Variants in CFAP54 observed in about 807,000 individuals in gnomAD.
CFAP54 encodes the protein cilia and flagella associated protein 54.
In CFAP54, 290 loss-of-function variants were observed where a neutral mutation model predicts 370.4. The observed-to-expected ratio is 0.78, with a 90% CI of 0.71 to 0.86. CFAP54 has a LOEUF of 0.86. Among genes scored for constraint, CFAP54 ranks in the 40% least tolerant of loss-of-function variants. The pLI is 0.00. For synonymous variants in CFAP54, 1,206 were observed against 1,236.5 expected (o/e 0.98, Z 0.52); for missense variants, 3,399 against 3,528.7 (o/e 0.96, Z 0.93).
At position 96,489,582 on chromosome 12, in the gene CFAP54, T is replaced by G; in HGVS notation, c.-28T>G. ...GTCGCCAGGCAACCGCGTGTACACA[T>G]ACTCCAGGCGGGCCGGGGCGCGTCA... On this transcript the variant is annotated 5_prime_UTR_variant, in exon 1 of 68. Coordinates refer to ENST00000524981, the MANE Select transcript of CFAP54 (RefSeq NM_001306084.2). The G allele has an allele frequency of 1.3e-6, 2 of 1,489,608 alleles. No homozygotes were observed. Among genetic ancestry groups the G allele is most frequent in the Non-Finnish European group, 1.8e-6 (2 of 1,120,104 alleles). 92.3% of individuals were successfully genotyped at this position (1,489,608 alleles called of 1,614,324 possible).
At chr12:96,752,894 C>T (rs1000660837) in intron 55 of CFAP54, among the ~76,000 whole-genome samples, 1 of 152,166 alleles carries the variant, frequency 6.6e-6, no homozygotes, top group East Asian at 1.9e-4. Flanking sequence ...GTTTACCAGC[C>T]ATCTAACCTT....
chr12:96,598,436 G>C (rs1956202444), intron 25 of CFAP54, among the ~76,000 whole-genome samples: 1 of 151,856 alleles, frequency 6.6e-6, no homozygotes. Context: ...TGATTTTCAA[G>C]TTGCTGTAGG....
At chr12:96,837,241 G>GTCTCATATAATAATTAATAT (rs1435355822) in intron 66 of CFAP54, among the ~76,000 whole-genome samples, 2 of 152,066 alleles carry the variant, frequency 1.3e-5, no homozygotes, top group East Asian at 3.9e-4. Flanking sequence ...CTTTAATTTT[G>GTCTCATATAATAATTAATAT]TGTCTCATAT....
At chr12:96,640,056 A>G (rs1439266885) in intron 32 of CFAP54, among the ~76,000 whole-genome samples, 2 of 152,146 alleles carry the variant, frequency 1.3e-5, no homozygotes, top group African/African-American at 2.4e-5. Context: ...CCTATTCAAC[A>G]TAGTGTTGGA....
rs1319072073 is a variant in CFAP54 at position 96,500,851 on chromosome 12, A to T, written c.335A>T (p.Asn112Ile). 7 of 1,533,030 alleles carry T rather than the reference A, an allele frequency of 4.6e-6. No homozygotes were observed. In the Admixed American group the frequency reaches 9.9e-5, roughly 22 times the overall value. The allele number at this position is 1,533,030 out of a possible 1,614,324, so 95.0% of individuals were successfully genotyped here. The change falls in exon 2 of 68, where the codon AAT (asparagine) becomes ATT (isoleucine). Residue 112 changes from asparagine (N) to isoleucine (I), a missense_variant. By Grantham distance (149) the Asn-to-Ile change is moderately radical (BLOSUM62 -3). Coordinates refer to ENST00000524981, the MANE Select transcript of CFAP54 (RefSeq NM_001306084.2). ...FRRRCATSLF[N>I]IWTKYAPRLP... is the part of the protein sequence containing the mutation. ...TTTTACAGTGCCACTTCTTTGTTTA[A>T]TATCTGGACTAAATACGCCCCCAGG...
rs529703076 is a variant in CFAP54 at position 96,673,835 on chromosome 12, G to T, written c.5564-5765G>T. ...TCAGAATAGATATTGCAATGCTCCAGTGCCTAGGAACATTTGGTGTACTCA... is the reference window on the plus strand; with the variant it reads ...TCAGAATAGATATTGCAATGCTCCATTGCCTAGGAACATTTGGTGTACTCA... On this transcript the variant is annotated intron_variant, in intron 39 of 67. Coordinates refer to ENST00000524981, the MANE Select transcript of CFAP54 (RefSeq NM_001306084.2). Among the ~76,000 whole-genome samples, 31 of 152,302 alleles carry T rather than the reference G, an allele frequency of 2.0e-4. No homozygotes were observed. In the South Asian group the frequency reaches 6.2e-3, roughly 31 times the overall value.
At chr12:96,826,616 A>G (rs1286898220) in intron 65 of CFAP54, among the ~76,000 whole-genome samples, 3 of 108,884 alleles carry the variant, frequency 2.8e-5, no homozygotes, top group African/African-American at 3.8e-5. Context: ...ATAATATATC[A>G]TGATATATGT....
chr12:96,586,540 T>G (rs1956077558), intron 22 of CFAP54, among the ~76,000 whole-genome samples: 2 of 152,214 alleles, frequency 1.3e-5, no homozygotes, highest in South Asian at 4.1e-4. Context: ...AATGGCTCTC[T>G]GGGGGAAGAG....
chr12:96,739,151 A>G (rs1009267849), intron 50 of CFAP54, among the ~76,000 whole-genome samples: 2 of 152,142 alleles, frequency 1.3e-5, no homozygotes, highest in Non-Finnish European at 2.9e-5. Context: ...TTGGATGGAT[A>G]TATTTCGGCC....
intron 45 of CFAP54, among the ~76,000 whole-genome samples, chr12:96,699,318 C>T (rs997450056): frequency 1.3e-5 from 2 of 152,076 alleles, no homozygotes; most frequent in East Asian, 3.9e-4. Context: ...GTTTTCCTTT[C>T]GATTTAGTTC....
chr12:96,812,489 C>T (rs779077773), intron 64 of CFAP54, among the ~76,000 whole-genome samples: 5 of 152,132 alleles, frequency 3.3e-5, no homozygotes, highest in African/African-American at 1.2e-4. Context: ...TTATTTTTGA[C>T]TCCATTGTTC....
intron 20 of CFAP54, 23 bp from the exon 21 acceptor site, chr12:96,580,574 A>G: frequency 1.4e-6 from 2 of 1,411,812 alleles, no homozygotes; most frequent in Admixed American, 2.6e-5. Flanking sequence ...CCTTTTAAAC[A>G]GGCTCATTTT....
chr12:96,611,105 A>G (rs1956353280), intron 26 of CFAP54, among the ~76,000 whole-genome samples: 1 of 152,160 alleles, frequency 6.6e-6, no homozygotes, highest in East Asian at 1.9e-4. Context: ...TGGGTCCGTG[A>G]CCCCTGAGTA....
At position 96,630,143 on chromosome 12, in the gene CFAP54, C is replaced by A; in HGVS notation, c.4154C>A (p.Ala1385Asp). Residue 1385 changes from alanine to aspartate, a missense_variant, in exon 31 of 68, where the codon GCT becomes GAT. Ala to Asp is a moderately radical substitution (Grantham distance 126). Coordinates refer to ENST00000524981, the MANE Select transcript of CFAP54 (RefSeq NM_001306084.2). Reference protein sequence around the residue: ...GLIKVKYKDSALNKKANKSLK... With the variant: ...GLIKVKYKDSDLNKKANKSLK... ...ATAAAAGTGAAATATAAGGATAGTG[C>A]TTTGAATAAAAAAGCAAACAAATCT... The A allele has an allele frequency of 2.7e-6, 4 of 1,500,612 alleles. No homozygotes were observed. Among genetic ancestry groups the A allele is most frequent in the Non-Finnish European group, 3.6e-6 (4 of 1,118,722 alleles). The allele number at this position is 1,500,612 out of a possible 1,614,324, so 93.0% of individuals were successfully genotyped here. A position where few individuals can be genotyped will look rare whatever the true frequency, so the allele number is the denominator to read the frequency against.
At chr12:96,569,833 T>TA (rs1955896972) in intron 19 of CFAP54, among the ~76,000 whole-genome samples, 1 of 152,232 alleles carries the variant, frequency 6.6e-6, no homozygotes, top group South Asian at 2.1e-4. Context: ...TATTTCTTGA[T>TA]ATCCCCTAAA....
intron 11 of CFAP54, 59 bp downstream of exon 11, chr12:96,534,286 A>T: frequency 1.0e-6 from 1 of 959,634 alleles, no homozygotes; most frequent in Non-Finnish European, 1.5e-6. Flanking sequence ...TCTTTTATAG[A>T]TATGGTGAGA....
rs530943487 is a variant in CFAP54 at position 96,788,032 on chromosome 12, T to C, written c.8679+1134T>C. 3.3e-5 allele frequency among the ~76,000 whole-genome samples: 5 copies of C among 151,972 alleles called. No homozygotes were observed. The East Asian group carries it at 9.7e-4, about 29-fold the overall frequency. ...CCTGGGTTCAAGCGATTGTCCTGTCTCAGCCTCCCGAAAAAGTGAGTTATT... is the reference window on the plus strand; with the variant it reads ...CCTGGGTTCAAGCGATTGTCCTGTCCCAGCCTCCCGAAAAAGTGAGTTATT... On this transcript the variant is annotated intron_variant, in intron 62 of 67. Coordinates refer to ENST00000524981, the MANE Select transcript of CFAP54 (RefSeq NM_001306084.2).
intron 26 of CFAP54, among the ~76,000 whole-genome samples, chr12:96,613,366 G>A (rs572084604): frequency 4.4e-4 from 67 of 152,154 alleles, no homozygotes; most frequent in African/African-American, 1.5e-3. Context: ...ACACATTTAA[G>A]GCAGTGTGTA....
chr12:96,767,388 G>A (rs1958411543), intron 60 of CFAP54, among the ~76,000 whole-genome samples: 1 of 152,152 alleles, frequency 6.6e-6, no homozygotes, highest in South Asian at 2.1e-4. Flanking sequence ...CAGTTGAGTA[G>A]GTAGTCTTCA....
Sources: allele counts gnomAD v4.1 joint callset (sites outside exome capture counted in the v4.1 genomes callset), GRCh38; gene constraint gnomAD v4.1.1; transcripts MANE v1.5; gene names NCBI Gene and HGNC (gene_info 2026-07-23, HGNC 2026-07-21).